FSD1: variants seen among roughly 807,000 people sequenced by gnomAD.
FSD1 encodes the protein fibronectin type III and SPRY domain-containing protein 1.
In FSD1, 23 loss-of-function variants were observed where a neutral mutation model predicts 58.2. The ratio of observed to expected loss-of-function variants is 0.40; its 90% CI spans 0.28 to 0.56. The LOEUF (loss-of-function observed/expected upper bound fraction) is 0.56. FSD1 is among the 20% of genes least tolerant of loss of function. The pLI is 0.54. For synonymous variants in FSD1, 265 were observed against 263.4 expected, an observed-to-expected ratio of 1.01 and a Z score of -0.06; for missense variants, 563 against 670.8, an observed-to-expected ratio of 0.84 and a Z score of 1.78.
chr19:4,308,121 G>A (rs1460701374), intron 4 of FSD1, 138 bp downstream of exon 4: 9 of 663,326 alleles, frequency 1.4e-5, no homozygotes, highest in Non-Finnish European at 2.3e-5. Context: ...TACCAAGAAA[G>A]TGTCCAGGCC....
Position 4,323,425 on chromosome 19 carries a change from C to T in FSD1, c.1369C>T (p.Pro457Ser). 6.2e-7 allele frequency: 1 copy of T among 1,613,736 alleles called. No homozygotes were observed. The highest frequency in any genetic ancestry group is 8.5e-7 in the Non-Finnish European group (1 of 1,179,700). ...GACCAGGTTCACACAGCCGCTGCTG[C>T]CTGCTTTCACGGTGAGCTGCCCTCC... The part of the protein sequence containing the change: ...FKTRFTQPLL[P>S]AFTVWCGSFQ... Residue 457 changes from proline to serine, a missense_variant, in exon 12 of 13, where the codon CCT becomes TCT. Physicochemically the swap from Pro to Ser is moderately conservative, Grantham distance 74. Transcript: ENST00000221856. The surrounding 1 kb of genome is among the most constrained non-coding windows in gnomAD (Gnocchi z 7.7).
chr19:4,310,957 A>C (rs1971683193), intron 6 of FSD1: 1 of 196,796 alleles, frequency 5.1e-6, no homozygotes. Context: ...TCCTGTCCCC[A>C]GGGGTGGAGC....
rs550554418 is a variant in FSD1, at chr19:4,312,666, G to A, written c.700+615G>A. ...AAAAAATACAAAAAATTAGCCGGGC[G>A]TGGCGGTGTGCACCTGTAGTCCCAG... On this transcript the variant is annotated intron_variant, in intron 7 of 12. Coordinates refer to ENST00000221856, the MANE Select transcript of FSD1 (RefSeq NM_024333.3). Among the ~76,000 whole-genome samples, 8 of 151,450 alleles carry A rather than the reference G, an allele frequency of 5.3e-5. No individual in the cohort carries two copies. In the East Asian group the frequency reaches 5.9e-4, roughly 11 times the overall value.
chr19:4,317,793 C>T (rs1359322646), intron 8 of FSD1, among the ~76,000 whole-genome samples: 3 of 152,120 alleles, frequency 2.0e-5, no homozygotes, highest in Admixed American at 2.0e-4. Flanking sequence ...CTGAGGCGGG[C>T]GGATCACGAG....
At chr19:4,317,150 C>G in intron 7 of FSD1, 32 bp from the exon 8 acceptor site, 1 of 1,188,042 alleles carries the variant, frequency 8.4e-7, no homozygotes, top group Non-Finnish European at 1.3e-6. Context: ...GGGAATAATA[C>G]ACAGTGTTGA....
At chr19:4,311,685 TA>T (rs59243536) in intron 6 of FSD1, 156 bp from the exon 7 acceptor site, 88,756 of 465,836 alleles carry the variant, frequency 0.19, 52 homozygotes, top group South Asian at 0.26. Flanking sequence ...ACTCTGTCTC[TA>T]AAAAAAAAAA....
chr19:4,323,458 AG>A lies in FSD1; in HGVS notation c.1380+27del. 1.2e-6 allele frequency: 2 copies of A among 1,607,312 alleles called. No individual in the cohort carries two copies. Among genetic ancestry groups the A allele is most frequent in the Non-Finnish European group, 1.7e-6 (2 of 1,174,640 alleles). ...CACGGTGAGCTGCCCTCCGCGGCCC[AG>A]GGGGAGGAGAGGGTGGTGCTGGGCG... On this transcript the variant is annotated intron_variant, in intron 12 of 12. Transcript: ENST00000221856. This position sits in a 1 kb window ranked among gnomAD's most constrained non-coding sequence, Gnocchi z 7.7.
rs1226097961 is a variant in FSD1 at position 4,317,234 on chromosome 19, G to A, written c.753G>A (p.Lys251=). The change falls in exon 8 of 13, where the codon AAG becomes AAA. Residue 251 remains lysine, a synonymous_variant. Coordinates refer to ENST00000221856, the MANE Select transcript of FSD1 (RefSeq NM_024333.3). ...ACTTCCGTGTGAAGGCCTGTAACAA[G>A]GCAGTTGCAGGAGAGTTCTCTGAGC... ...YMNFRVKACN[K]AVAGEFSEPV... The A allele has an allele frequency of 6.2e-7, 1 of 1,613,112 alleles. No individual in the cohort carries two copies. The highest frequency in any genetic ancestry group is 8.5e-7 in the Non-Finnish European group (1 of 1,179,284).
rs964953576 is a variant in FSD1, at chr19:4,313,210, G to A, written c.700+1159G>A. Among the ~76,000 whole-genome samples the A allele has an allele frequency of 2.6e-5, 4 of 151,740 alleles. No individual in the cohort carries two copies. In the South Asian group the frequency reaches 8.3e-4, roughly 32 times the overall value. ...AAAAAAAAAAAATTTAAAGTTACCT[G>A]AGCATGGTGGTCCCCGCTACCAAGG... is the stretch of plus-strand genomic sequence containing the variant. On this transcript the variant is annotated intron_variant, in intron 7 of 12. Coordinates refer to ENST00000221856, the MANE Select transcript of FSD1 (RefSeq NM_024333.3).
intron 7 of FSD1, among the ~76,000 whole-genome samples, chr19:4,315,800 C>G (rs563837605): frequency 6.6e-6 from 1 of 151,670 alleles, no homozygotes; most frequent in South Asian, 2.1e-4. Flanking sequence ...TTAGTAGAGA[C>G]GGGGTTTCAC....
intron 7 of FSD1, among the ~76,000 whole-genome samples, chr19:4,315,156 C>T (rs7260499): frequency 0.22 from 32,743 of 151,822 alleles, 3,861 homozygotes; most frequent in East Asian, 0.52. Flanking sequence ...GACAGAATCT[C>T]GCTCTGTCGC....
In FSD1 at chr19:4,318,393, G is replaced by A. The variant is rs1971778381; in HGVS notation, c.847G>A (p.Val283Met). The stretch of plus-strand genomic sequence containing the variant: ...GTCCACATCCCACCAGAACCTGCGG[G>A]TGGATGATCTCTCCGTGGAGTGGGA... Reference protein sequence around the residue: ...DASTSHQNLRVDDLSVEWDAM... With the variant: ...DASTSHQNLRMDDLSVEWDAM... Residue 283 changes from valine to methionine, a missense_variant, in exon 9 of 13, where the codon GTG (valine) becomes ATG (methionine). By Grantham distance (21) the Val-to-Met change is conservative. Coordinates refer to ENST00000221856, the MANE Select transcript of FSD1 (RefSeq NM_024333.3). The A allele has an allele frequency of 6.2e-7, 1 of 1,613,944 alleles. No homozygotes were observed. Among genetic ancestry groups the A allele is most frequent in the Non-Finnish European group, 8.5e-7 (1 of 1,180,016 alleles).
rs1366089854 is a variant in FSD1 at position 4,312,025 on chromosome 19, T to A, written c.674T>A (p.Ile225Asn). The change falls in exon 7 of 13, where the codon ATC becomes AAC. Residue 225 changes from isoleucine to asparagine, a missense_variant. Coordinates refer to ENST00000221856, the MANE Select transcript of FSD1 (RefSeq NM_024333.3). ...CAGCCCTGGATGGTCATCGAGGGCATCCGGCAGACAGAGTACACCCTGACA... is the reference window on the plus strand; with the variant it reads ...CAGCCCTGGATGGTCATCGAGGGCAACCGGCAGACAGAGTACACCCTGACA... ...EDQPWMVIEG[I>N]RQTEYTLTGL... 1.9e-6 allele frequency: 3 copies of A among 1,610,402 alleles called. No homozygotes were observed. Among genetic ancestry groups the A allele is most frequent in the African/African-American group, 1.3e-5 (1 of 74,920 alleles).
rs79548531 is a variant in FSD1, at chr19:4,318,181, G to A, written c.800-165G>A. On this transcript the variant is annotated intron_variant, in intron 8 of 12. Coordinates refer to ENST00000221856, the MANE Select transcript of FSD1 (RefSeq NM_024333.3). ...TCCATCTCTATATCTGTCTCTCTCC[G>A]AGGCTTCGTCAGTCTCTTATCTCTG... is the stretch of plus-strand genomic sequence containing the variant. Among the ~76,000 whole-genome samples the A allele has an allele frequency of 0.028, 4,304 of 151,052 alleles. 154 individuals are homozygous for A. Among genetic ancestry groups the A allele is most frequent in the African/African-American group, 0.087 (3,553 of 41,070 alleles).
chr19:4,308,465 G>A (rs1247951349), intron 4 of FSD1, among the ~76,000 whole-genome samples: 1 of 152,304 alleles, frequency 6.6e-6, no homozygotes, highest in Non-Finnish European at 1.5e-5. Flanking sequence ...GCTCATGCCT[G>A]TAATACCAGC....
At position 4,318,865 on chromosome 19, in the gene FSD1, AC is replaced by A; in HGVS notation, c.960-5del. On this transcript the variant is annotated splice_polypyrimidine_tract_variant and splice_region_variant and intron_variant, in intron 9 of 12. Coordinates refer to ENST00000221856, the MANE Select transcript of FSD1 (RefSeq NM_024333.3). ...TCCTGAGCCTGCCCACTCCCTGCCC[AC>A]CACAGAGGTACTCCATCTCCCAAGA... The A allele has an allele frequency of 5.6e-6, 9 of 1,613,004 alleles. No homozygotes were observed. The highest frequency in any genetic ancestry group is 7.6e-6 in the Non-Finnish European group (9 of 1,179,366).
chr19:4,314,571 C>A (rs1042047842), intron 7 of FSD1, among the ~76,000 whole-genome samples: 4 of 151,824 alleles, frequency 2.6e-5, no homozygotes, highest in Middle Eastern at 3.4e-3. Context: ...ACCGCAACCT[C>A]CGCCTCCTGG....
intron 7 of FSD1, among the ~76,000 whole-genome samples, chr19:4,314,590 A>G (rs1161679695): frequency 6.6e-6 from 1 of 151,094 alleles, no homozygotes; most frequent in African/African-American, 2.4e-5. Context: ...GGGTTCAAGC[A>G]ATTCTCCTGT....
chr19:4,318,274 T>C lies in FSD1; in HGVS notation c.800-72T>C, dbSNP rs1005513924. On this transcript the variant is annotated intron_variant, in intron 8 of 12. Coordinates refer to ENST00000221856, the MANE Select transcript of FSD1 (RefSeq NM_024333.3). ...GTCTTGGTCTGTCTTGGTCACTCTCTGTCTCTCTGTCTCTCTCTGTGTCTC... is the reference window on the plus strand; with the variant it reads ...GTCTTGGTCTGTCTTGGTCACTCTCCGTCTCTCTGTCTCTCTCTGTGTCTC... The C allele has an allele frequency of 2.3e-5, 37 of 1,601,888 alleles. No individual in the cohort carries two copies. In the African/African-American group the frequency reaches 4.8e-4, roughly 21 times the overall value.
Sources: allele counts gnomAD v4.1 joint callset (sites outside exome capture counted in the v4.1 genomes callset), GRCh38; gene constraint gnomAD v4.1.1; non-coding constraint Gnocchi (gnomAD v3.1); transcripts MANE v1.5; gene names NCBI Gene and HGNC (gene_info 2026-07-23, HGNC 2026-07-21).